The following DCC variants were observed in gnomAD, a reference collection of about 807,000 sequenced individuals.
DCC encodes the protein DCC netrin 1 receptor, also known as netrin receptor DCC.
Under a neutral mutation model 172.5 loss-of-function variants are expected in DCC, and 58 were observed. The observed-to-expected ratio is 0.34, with a 90% CI of 0.27 to 0.42. The LOEUF (loss-of-function observed/expected upper bound fraction) is 0.42, where lower values mean the gene tolerates loss of function less well. Among genes scored for constraint, DCC ranks in the 10% least tolerant of loss-of-function variants. The pLI, the probability that DCC is intolerant of heterozygous loss-of-function variation, is 1.00. For missense variants in DCC, 1,740 were observed against 1,791.0 expected (o/e 0.97, Z 0.51); for synonymous variants, 709 against 644.5 (o/e 1.10, Z -1.52).
chr18:52,856,862 CCTT>C (rs1399377883), intron 2 of DCC, among the ~76,000 whole-genome samples: 1 of 152,134 alleles, frequency 6.6e-6, no homozygotes, highest in Non-Finnish European at 1.5e-5. Context: ...AGAGTTCCCT[CCTT>C]GGCCCACAAA....
At chr18:52,870,564 A>G (rs1034717370) in intron 2 of DCC, among the ~76,000 whole-genome samples, 2 of 152,026 alleles carry the variant, frequency 1.3e-5, no homozygotes, top group African/African-American at 2.4e-5. Flanking sequence ...CAACTTCCCC[A>G]ATTACTCTTG....
At chr18:53,035,560 G>A (rs1198397479) in intron 5 of DCC, among the ~76,000 whole-genome samples, 1 of 152,048 alleles carries the variant, frequency 6.6e-6, no homozygotes, top group East Asian at 1.9e-4. Flanking sequence ...AAAGGTTAAT[G>A]TGAAAACTTA....
At chr18:52,756,286 T>A (rs568490708) in intron 2 of DCC, among the ~76,000 whole-genome samples, 17 of 152,302 alleles carry the variant, frequency 1.1e-4, no homozygotes, top group African/African-American at 4.1e-4. Flanking sequence ...TTTCCTACCA[T>A]CCCCTCTACT....
intron 2 of DCC, among the ~76,000 whole-genome samples, chr18:52,847,272 G>T (rs890123511): frequency 5.9e-5 from 9 of 152,166 alleles, no homozygotes; most frequent in African/African-American, 1.9e-4. Flanking sequence ...AGGTCAAAAT[G>T]TTGGACAATC....
chr18:52,953,000 CAA>C (rs11315976), intron 5 of DCC, among the ~76,000 whole-genome samples: 1,830 of 52,030 alleles, frequency 0.035, 23 homozygotes, highest in African/African-American at 0.1. Context: ...TCTCCTGTCT[CAA>C]AAAAAAAAAA....
At chr18:52,478,984 G>A (rs1989174733) in intron 1 of DCC, among the ~76,000 whole-genome samples, 6 of 152,110 alleles carry the variant, frequency 3.9e-5, no homozygotes, top group Admixed American at 3.9e-4. Flanking sequence ...TGCTGGCATG[G>A]GAATGAAACT....
At chr18:53,381,845 C>G (rs1907766806) in intron 15 of DCC, among the ~76,000 whole-genome samples, 1 of 151,722 alleles carries the variant, frequency 6.6e-6, no homozygotes, top group Admixed American at 6.6e-5. Context: ...AAATTATCTG[C>G]CAACACTGAA....
At chr18:53,029,414 G>A (rs1006293786) in intron 5 of DCC, among the ~76,000 whole-genome samples, 6 of 152,146 alleles carry the variant, frequency 3.9e-5, no homozygotes, top group African/African-American at 1.4e-4. Context: ...TCATATGTAA[G>A]TTATTCTGCT....
chr18:52,936,197 T>TGACAATCTGTGGCTCACAAGGAGGAGAA (rs1568197630), intron 5 of DCC, among the ~76,000 whole-genome samples: 2 of 125,912 alleles, frequency 1.6e-5, no homozygotes, highest in African/African-American at 2.7e-5. Flanking sequence ...TTAGTTATTT[T>TGACAATCTGTGGCTCACAAGGAGGAGAA]CCTCAGCTGA....
intron 2 of DCC, among the ~76,000 whole-genome samples, chr18:52,791,838 C>G (rs896480079): frequency 1.3e-5 from 2 of 152,210 alleles, no homozygotes. Flanking sequence ...TTAAAATACC[C>G]TTACTAATTA....
rs1311268406 is a variant in DCC at position 52,996,694 on chromosome 18, C to G, written c.986-66611C>G. On this transcript the variant is annotated intron_variant, in intron 5 of 28. Transcript: ENST00000442544. ...AAACAAAATGTTTCTAATAATCATG[C>G]TTTGAAAAAATAAGTTCACCCCACC... Among the ~76,000 whole-genome samples the G allele has an allele frequency of 4.0e-5, 6 of 151,108 alleles. No individual in the cohort carries two copies. In the East Asian group the frequency reaches 1.2e-3, roughly 29 times the overall value.
intron 1 of DCC, among the ~76,000 whole-genome samples, chr18:52,643,196 A>C (rs989227612): frequency 6.6e-6 from 1 of 152,206 alleles, no homozygotes; most frequent in African/African-American, 2.4e-5. Flanking sequence ...GTTTGGTTGT[A>C]ATTTAAGAAA....
chr18:53,527,206 CTTTT>C (rs1212450703), intron 28 of DCC, among the ~76,000 whole-genome samples: 1 of 133,936 alleles, frequency 7.5e-6, no homozygotes, highest in African/African-American at 2.7e-5. Flanking sequence ...CTTCTTCTTC[CTTTT>C]TTTTTTTTAT....
chr18:52,566,923 A>T (rs1050016334), intron 1 of DCC, among the ~76,000 whole-genome samples: 1 of 152,212 alleles, frequency 6.6e-6, no homozygotes, highest in African/African-American at 2.4e-5. Context: ...AACAAGCTAT[A>T]TGATAAAACT....
chr18:52,797,057 G>A (rs989187006), intron 2 of DCC, among the ~76,000 whole-genome samples: 3 of 150,872 alleles, frequency 2.0e-5, no homozygotes, highest in Admixed American at 6.6e-5. Context: ...ATTTTGCTTA[G>A]CCTATTGACA....
intron 1 of DCC, among the ~76,000 whole-genome samples, chr18:52,482,359 T>C (rs1378904761): frequency 1.3e-5 from 2 of 152,208 alleles, no homozygotes; most frequent in African/African-American, 2.4e-5. Flanking sequence ...GCAACATTAG[T>C]TGTCACCAGG....
chr18:53,271,926 A>G (rs970100558), intron 12 of DCC, among the ~76,000 whole-genome samples: 1 of 152,148 alleles, frequency 6.6e-6, no homozygotes, highest in African/African-American at 2.4e-5. Flanking sequence ...GTTAATAGAT[A>G]CAGCAACGTA....
chr18:53,035,263 A>G (rs2042077769), intron 5 of DCC, among the ~76,000 whole-genome samples: 1 of 151,976 alleles, frequency 6.6e-6, no homozygotes, highest in Admixed American at 6.6e-5. Context: ...ATACCACCCG[A>G]AATGCACATG....
At chr18:52,996,139 C>T (rs1216347059) in intron 5 of DCC, among the ~76,000 whole-genome samples, 3 of 151,988 alleles carry the variant, frequency 2.0e-5, no homozygotes, top group Non-Finnish European at 2.9e-5. Flanking sequence ...TACTGCATAG[C>T]GATGTGTAAT....
Sources: gnomAD v4.1 joint callset for allele counts (sites outside exome capture counted in the v4.1 genomes callset) on GRCh38, gnomAD v4.1.1 for gene constraint, MANE v1.5 for transcripts, NCBI Gene and HGNC (gene_info 2026-07-23, HGNC 2026-07-21) for gene names.